The following PTPRA variants were observed in gnomAD, a reference collection of about 807,000 sequenced individuals.
The protein encoded by PTPRA is receptor-type tyrosine-protein phosphatase alpha.
Under a neutral mutation model 104.8 loss-of-function variants are expected in PTPRA, and 25 were observed. The observed-to-expected ratio is 0.24, with a 90% CI of 0.17 to 0.33. The LOEUF is 0.33. Among genes scored for constraint, PTPRA ranks in the 10% least tolerant of loss-of-function variants. The probability of loss-of-function intolerance (pLI) is 1.00; values close to 1 mark genes in which losing one functional copy is unlikely to be tolerated. For missense variants in PTPRA, 765 were observed against 1,015.3 expected (o/e 0.75, Z 3.35); for synonymous variants, 323 against 368.9 (o/e 0.88, Z 1.43).
intron 11 of PTPRA, among the ~76,000 whole-genome samples, chr20:3,013,369 A>T (rs1211948954): frequency 6.6e-6 from 1 of 152,090 alleles, no homozygotes; most frequent in African/African-American, 2.4e-5. Context: ...CTAGAGCCTT[A>T]GGAGAAACCA....
chr20:2,974,541 C>T (rs2062342882), intron 5 of PTPRA, among the ~76,000 whole-genome samples: 1 of 152,076 alleles, frequency 6.6e-6, no homozygotes, highest in Non-Finnish European at 1.5e-5. Context: ...ATTCTCGTGC[C>T]TCAGCCTCCC....
chr20:2,962,001 C>T (rs2061772786), intron 3 of PTPRA, among the ~76,000 whole-genome samples: 1 of 152,190 alleles, frequency 6.6e-6, no homozygotes, highest in Admixed American at 6.5e-5. Flanking sequence ...ATTACCATAG[C>T]TTTAAAGTAA....
At chr20:2,941,001 C>CT (rs1322019199) in intron 2 of PTPRA, among the ~76,000 whole-genome samples, 2 of 151,030 alleles carry the variant, frequency 1.3e-5, no homozygotes, top group Non-Finnish European at 3.0e-5. Flanking sequence ...AAAACGTGTT[C>CT]TTTTCTTCTG....
At chr20:3,031,325 C>T (rs890153588) in intron 20 of PTPRA, among the ~76,000 whole-genome samples, 6 of 151,688 alleles carry the variant, frequency 4.0e-5, no homozygotes, top group Non-Finnish European at 8.8e-5. Flanking sequence ...ATGCTATTAT[C>T]TAGAGGCCGT....
At position 3,023,674 on chromosome 20, in the gene PTPRA, G is replaced by A. The variant is rs370480663; in HGVS notation, c.1465-798G>A. On this transcript the variant is annotated intron_variant, in intron 16 of 23. Transcript: ENST00000399903. The stretch of plus-strand genomic sequence containing the variant: ...ACCCTCTGCCCACCATTACCCTATA[G>A]TCCTGCCACATCCCCTTAGCCGAGA... 3.3e-5 allele frequency among the ~76,000 whole-genome samples: 5 copies of A among 152,240 alleles called. No individual in the cohort carries two copies. In the East Asian group the frequency reaches 9.7e-4, roughly 29 times the overall value.
intron 1 of PTPRA, among the ~76,000 whole-genome samples, chr20:2,883,057 T>C (rs1487267528): frequency 6.7e-6 from 1 of 149,532 alleles, no homozygotes; most frequent in East Asian, 2.0e-4. Context: ...TGATCATGGC[T>C]CATTGCAGCC....
At chr20:2,962,472 T>C (rs1011182683) in intron 3 of PTPRA, among the ~76,000 whole-genome samples, 3 of 152,238 alleles carry the variant, frequency 2.0e-5, no homozygotes, top group Non-Finnish European at 4.4e-5. Flanking sequence ...AAATATGTAG[T>C]TATTTTTCCC....
At chr20:2,974,925 C>T (rs2062366251) in intron 5 of PTPRA, among the ~76,000 whole-genome samples, 1 of 152,158 alleles carries the variant, frequency 6.6e-6, no homozygotes, top group Admixed American at 6.5e-5. Flanking sequence ...ATTTTGTCCT[C>T]TTGAATTTTA....
chr20:2,960,143 CAT>C (rs1299607246), intron 3 of PTPRA, among the ~76,000 whole-genome samples: 2 of 152,124 alleles, frequency 1.3e-5, no homozygotes, highest in East Asian at 3.8e-4. Flanking sequence ...TGTATAATGA[CAT>C]GTGTCTACCA....
At position 2,975,221 on chromosome 20, in the gene PTPRA, C is replaced by T; in HGVS notation, c.422C>T (p.Ser141Phe). 6.3e-7 allele frequency: 1 copy of T among 1,595,372 alleles called. No homozygotes were observed. The highest frequency in any genetic ancestry group is 8.6e-7 in the Non-Finnish European group (1 of 1,164,684). ...TTTTTTACTTATTACACAGGTAATTCTGACTCGAAGGACAGAAGAGGTGAG... is the reference window on the plus strand; with the variant it reads ...TTTTTTACTTATTACACAGGTAATTTTGACTCGAAGGACAGAAGAGGTGAG... The part of the protein sequence containing the change: ...TPETFPPSGN[S>F]DSKDRRDETP... Residue 141 changes from serine (S) to phenylalanine (F), a missense_variant, in exon 6 of 24, where the codon TCT becomes TTT. By Grantham distance (155) the Ser-to-Phe change is radical. Around this residue, in one of 4 missense-constraint regions of PTPRA, gnomAD observed 256 missense variants for 248.9 expected, o/e 1.03. Coordinates refer to ENST00000399903, the MANE Select transcript of PTPRA (RefSeq NM_001385305.1).
In PTPRA at chr20:3,038,193, T is replaced by A. The variant is rs145005594; in HGVS notation, c.*60T>A. The A allele has an allele frequency of 3.1e-4, 454 of 1,473,966 alleles. 1 individual carries two copies. The East Asian group carries it at 8.2e-3, about 27-fold the overall frequency. 91.3% of individuals were successfully genotyped at this position (1,473,966 alleles called of 1,614,324 possible). A position where few individuals can be genotyped will look rare whatever the true frequency, so the allele number is the denominator to read the frequency against. On this transcript the variant is annotated 3_prime_UTR_variant, in exon 24 of 24. Transcript: ENST00000399903. ...CTTTAATATTTTGTAATATTCTGTT[T>A]TGTTAATATACCCCAAATTGTGTAT... is the stretch of plus-strand genomic sequence containing the variant.
At chr20:3,012,315 C>G (rs907085738) in intron 11 of PTPRA, among the ~76,000 whole-genome samples, 2 of 152,106 alleles carry the variant, frequency 1.3e-5, no homozygotes, top group Non-Finnish European at 2.9e-5. Flanking sequence ...GCAGGTAGAT[C>G]ACAAATGATG....
Position 2,964,355 on chromosome 20 carries a change from A to T in PTPRA, c.73+5A>T, listed in dbSNP as rs772503258. 8.5e-5 allele frequency: 135 copies of T among 1,585,044 alleles called. No individual in the cohort carries two copies. The highest frequency in any genetic ancestry group is 1.1e-4 in the Non-Finnish European group (130 of 1,165,612). ...GTGCCAACAATGCTACCACAGGTAAATTGTCATTTGATAAGGCTGCTATTT... is the reference window on the plus strand; with the variant it reads ...GTGCCAACAATGCTACCACAGGTAATTTGTCATTTGATAAGGCTGCTATTT... On this transcript the variant is annotated splice_donor_5th_base_variant and intron_variant, in intron 4 of 23. Transcript: ENST00000399903.
At chr20:3,019,370 G>C (rs946296080) in intron 13 of PTPRA, among the ~76,000 whole-genome samples, 5 of 149,094 alleles carry the variant, frequency 3.4e-5, no homozygotes, top group African/African-American at 1.2e-4. Context: ...GGCGGCTGCT[G>C]GGCGGAGGGG....
At chr20:2,991,700 A>G (rs1466328632) in intron 9 of PTPRA, among the ~76,000 whole-genome samples, 3 of 152,160 alleles carry the variant, frequency 2.0e-5, no homozygotes, top group Non-Finnish European at 4.4e-5. Flanking sequence ...TTGTGGTGAG[A>G]GCCATTTGCT....
At chr20:2,999,930 A>G (rs1226419993) in intron 9 of PTPRA, among the ~76,000 whole-genome samples, 2 of 152,204 alleles carry the variant, frequency 1.3e-5, no homozygotes, top group African/African-American at 4.8e-5. Context: ...GGTAAAAGAT[A>G]ACACAGGTAA....
At chr20:2,960,983 A>G (rs1238066568) in intron 3 of PTPRA, among the ~76,000 whole-genome samples, 1 of 151,964 alleles carries the variant, frequency 6.6e-6, no homozygotes, top group East Asian at 1.9e-4. Context: ...AGCAGTGAGT[A>G]ATATTTCATT....
chr20:2,931,436 G>T (rs2060498782), intron 2 of PTPRA, among the ~76,000 whole-genome samples: 1 of 144,158 alleles, frequency 6.9e-6, no homozygotes, highest in Admixed American at 6.8e-5. Context: ...ACAGTGTAAG[G>T]TGATAGACAG....
intron 1 of PTPRA, among the ~76,000 whole-genome samples, chr20:2,889,727 C>T (rs2058724174): frequency 6.6e-6 from 1 of 152,052 alleles, no homozygotes; most frequent in Admixed American, 6.5e-5. Context: ...AATCATGATA[C>T]AGTTATTATT....
Sources: allele counts gnomAD v4.1 joint callset (sites outside exome capture counted in the v4.1 genomes callset), GRCh38; gene constraint gnomAD v4.1.1; regional missense constraint gnomAD v4.1.1; transcripts MANE v1.5; gene names NCBI Gene and HGNC (gene_info 2026-07-23, HGNC 2026-07-21).